The following KIRREL3 variants were observed in gnomAD, a reference collection of about 807,000 sequenced individuals.
KIRREL3 encodes the protein kin of IRRE-like protein 3.
A neutral mutation model predicts 89.7 loss-of-function variants in KIRREL3; 36 were observed. The ratio of observed to expected loss-of-function variants is 0.40; its 90% CI spans 0.31 to 0.53. The LOEUF (loss-of-function observed/expected upper bound fraction) is 0.53. Ranked by LOEUF, KIRREL3 falls within the 20% of genes least tolerant of loss-of-function variation. The probability of loss-of-function intolerance (pLI) is 0.49; values close to 1 mark genes in which losing one functional copy is unlikely to be tolerated. For missense variants in KIRREL3, 864 were observed against 1,056.6 expected, an observed-to-expected ratio of 0.82 and a Z score of 2.53; for synonymous variants, 445 against 441.4, an observed-to-expected ratio of 1.01 and a Z score of -0.10.
rs369111577 is a variant in KIRREL3 at position 126,996,700 on chromosome 11, C to A, written c.55+3755G>T. On this transcript the variant is annotated intron_variant, in intron 1 of 16. Coordinates refer to ENST00000525144, the MANE Select transcript of KIRREL3 (RefSeq NM_032531.4). The surrounding 1 kb of genome is among the most constrained non-coding windows in gnomAD (Gnocchi z 4.7). ...GCCCCTTTTGGTGTTTCCAGCCAGG[C>A]AGGAGAGCAAGTGGGCTGCTTAGAT... Among the ~76,000 whole-genome samples the A allele has an allele frequency of 4.3e-4, 65 of 152,326 alleles. 4 individuals are homozygous for A. In the South Asian group the frequency reaches 0.014, roughly 32 times the overall value.
chr11:126,479,101 G>C (rs1201111717), intron 4 of KIRREL3, among the ~76,000 whole-genome samples: 1 of 152,206 alleles, frequency 6.6e-6, no homozygotes, highest in Non-Finnish European at 1.5e-5. Flanking sequence ...TTGGCTGAGT[G>C]GGGAGAAGGA....
At chr11:126,865,158 T>C (rs927456736) in intron 1 of KIRREL3, among the ~76,000 whole-genome samples, 19 of 152,264 alleles carry the variant, frequency 1.2e-4, no homozygotes, top group African/African-American at 4.6e-4. Flanking sequence ...CATTGCTAAA[T>C]ATATCCCTGT....
chr11:126,811,335 C>A lies in KIRREL3; in HGVS notation c.55+189120G>T, dbSNP rs904807535. 6.6e-6 allele frequency among the ~76,000 whole-genome samples: 1 copy of A among 152,206 alleles called. No individual in the cohort carries two copies. Among genetic ancestry groups the A allele is most frequent in the African/African-American group, 2.4e-5 (1 of 41,466 alleles). On this transcript the variant is annotated intron_variant, in intron 1 of 16. Coordinates refer to ENST00000525144, the MANE Select transcript of KIRREL3 (RefSeq NM_032531.4). The surrounding 1 kb of genome is among the most constrained non-coding windows in gnomAD (Gnocchi z 4.3). ...AGTGACTGTTATGGAGCTACGAGGTCCTTGTCTGAATTCTCCGTGTGGTTG... is the reference window on the plus strand; with the variant it reads ...AGTGACTGTTATGGAGCTACGAGGTACTTGTCTGAATTCTCCGTGTGGTTG...
At chr11:126,925,601 G>C (rs1426293024) in intron 1 of KIRREL3, among the ~76,000 whole-genome samples, 1 of 152,180 alleles carries the variant, frequency 6.6e-6, no homozygotes, top group Non-Finnish European at 1.5e-5. Context: ...ATGTCTTCCT[G>C]TTGTCAATGG....
chr11:126,525,928 G>A lies in KIRREL3; in HGVS notation c.283+610C>T, dbSNP rs1958736564. Among the ~76,000 whole-genome samples, 1 of 152,176 alleles carries A rather than the reference G, an allele frequency of 6.6e-6. No homozygotes were observed. The stretch of plus-strand genomic sequence containing the variant: ...TGTCAGCACTGGCCAGTGAGTTCAC[G>A]TGTCAGCCATCAACAACCATGGGAA... On this transcript the variant is annotated intron_variant, in intron 3 of 16. Coordinates refer to ENST00000525144, the MANE Select transcript of KIRREL3 (RefSeq NM_032531.4). The surrounding 1 kb of genome is among the most constrained non-coding windows in gnomAD (Gnocchi z 5.4).
chr11:126,457,394 TGTA>T (rs1253060936), intron 6 of KIRREL3, among the ~76,000 whole-genome samples: 32 of 151,872 alleles, frequency 2.1e-4, no homozygotes, highest in African/African-American at 7.0e-4. Context: ...TGCGTGTGTG[TGTA>T]TGTGTGTATG....
rs1300822068 is a variant in KIRREL3 at position 126,906,153 on chromosome 11, A to G, written c.55+94302T>C. 1.3e-5 allele frequency among the ~76,000 whole-genome samples: 2 copies of G among 152,132 alleles called. No individual in the cohort carries two copies. The highest frequency in any genetic ancestry group is 2.9e-5 in the Non-Finnish European group (2 of 68,024). ...CCTCTCTGAATTCCCTCACTCAGAG[A>G]TAGGCTCTCTTTTCTCTCTGTACAC... is the stretch of plus-strand genomic sequence containing the variant. On this transcript the variant is annotated intron_variant, in intron 1 of 16. Coordinates refer to ENST00000525144, the MANE Select transcript of KIRREL3 (RefSeq NM_032531.4). This position sits in a 1 kb window ranked among gnomAD's most constrained non-coding sequence, Gnocchi z 4.1.
At position 126,993,010 on chromosome 11, in the gene KIRREL3, T is replaced by A. The variant is rs963825667; in HGVS notation, c.55+7445A>T. Reference sequence around the variant, plus strand: ...AATGTGGACTAACCATTAAGGTCAGTTCCCCCCATACTTATTCTCTTGCTC... The same window carrying A: ...AATGTGGACTAACCATTAAGGTCAGATCCCCCCATACTTATTCTCTTGCTC... On this transcript the variant is annotated intron_variant, in intron 1 of 16. Transcript: ENST00000525144. This position sits in a 1 kb window ranked among gnomAD's most constrained non-coding sequence, Gnocchi z 6.1. Among the ~76,000 whole-genome samples, 4 of 152,188 alleles carry A rather than the reference T, an allele frequency of 2.6e-5. No individual in the cohort carries two copies. The highest frequency in any genetic ancestry group is 9.7e-5 in the African/African-American group (4 of 41,448).
Position 126,999,850 on chromosome 11 carries a change from A to G in KIRREL3, c.55+605T>C, listed in dbSNP as rs1167100484. ...TTATACCCTGAATTCAGTGCTGTGT[A>G]GGATTCAGAATTCAACCTAATTTAG... is the stretch of plus-strand genomic sequence containing the variant. On this transcript the variant is annotated intron_variant, in intron 1 of 16. Transcript: ENST00000525144. The surrounding 1 kb of genome is among the most constrained non-coding windows in gnomAD (Gnocchi z 5.7). Among the ~76,000 whole-genome samples, 1 of 152,212 alleles carries G rather than the reference A, an allele frequency of 6.6e-6. No individual in the cohort carries two copies. The highest frequency in any genetic ancestry group is 2.4e-5 in the African/African-American group (1 of 41,460).
At position 126,645,967 on chromosome 11, in the gene KIRREL3, G is replaced by A. The variant is rs896824021; in HGVS notation, c.56-83055C>T. Among the ~76,000 whole-genome samples, 4 of 152,128 alleles carry A rather than the reference G, an allele frequency of 2.6e-5. No individual in the cohort carries two copies. Among genetic ancestry groups the A allele is most frequent in the Admixed American group, 6.5e-5 (1 of 15,276 alleles). Reference sequence around the variant, plus strand: ...TTTGTTGATACTCAAATACATAGGCGGCACTCGGAATGATGTACGAGTACT... The same window carrying A: ...TTTGTTGATACTCAAATACATAGGCAGCACTCGGAATGATGTACGAGTACT... On this transcript the variant is annotated intron_variant, in intron 1 of 16. Transcript: ENST00000525144. This position sits in a 1 kb window ranked among gnomAD's most constrained non-coding sequence, Gnocchi z 4.9.
intron 1 of KIRREL3, among the ~76,000 whole-genome samples, chr11:126,644,099 A>G (rs978234417): frequency 6.6e-6 from 1 of 152,186 alleles, no homozygotes; most frequent in African/African-American, 2.4e-5. Context: ...TTAATGGCTG[A>G]AAGTGTGGGA....
rs1262165448 is a variant in KIRREL3, at chr11:126,424,690, A to T, written c.2227T>A (p.Phe743Ile). The stretch of plus-strand genomic sequence containing the variant: ...GCAGAAGCCTTGCTGGCCTTGTCGA[A>T]CTGCACATAGCCATCCTGCTTGCCG... ...SSGKQDGYVQFDKASKASASS... is the reference protein window; with the variant it reads ...SSGKQDGYVQIDKASKASASS... Residue 743 changes from phenylalanine (F) to isoleucine (I), a missense_variant, in exon 17 of 17, where the codon TTC (phenylalanine) becomes ATC (isoleucine). Coordinates refer to ENST00000525144, the MANE Select transcript of KIRREL3 (RefSeq NM_032531.4). 1 of 1,614,006 alleles carries T rather than the reference A, an allele frequency of 6.2e-7. No individual in the cohort carries two copies. Among genetic ancestry groups the T allele is most frequent in the Admixed American group, 1.7e-5 (1 of 60,028 alleles).
chr11:126,924,684 C>T lies in KIRREL3; in HGVS notation c.55+75771G>A, dbSNP rs1477654915. On this transcript the variant is annotated intron_variant, in intron 1 of 16. Coordinates refer to ENST00000525144, the MANE Select transcript of KIRREL3 (RefSeq NM_032531.4). This position sits in a 1 kb window ranked among gnomAD's most constrained non-coding sequence, Gnocchi z 4.7. ...GAGCAGCTTTGCTCTATTAAAACCC[C>T]TGCCTTTCCAAGCAAATATGGCTGC... 6.6e-6 allele frequency among the ~76,000 whole-genome samples: 1 copy of T among 152,154 alleles called. No individual in the cohort carries two copies. The highest frequency in any genetic ancestry group is 1.5e-5 in the Non-Finnish European group (1 of 68,028).
At position 126,763,784 on chromosome 11, in the gene KIRREL3, T is replaced by C. The variant is rs565786642; in HGVS notation, c.56-200872A>G. ...AGGGAAAGCTTGTCCACAAAGCACTTGACACACAGTAGGCACTGAGTAAAT... is the reference window on the plus strand; with the variant it reads ...AGGGAAAGCTTGTCCACAAAGCACTCGACACACAGTAGGCACTGAGTAAAT... On this transcript the variant is annotated intron_variant, in intron 1 of 16. Transcript: ENST00000525144. The surrounding 1 kb of genome is among the most constrained non-coding windows in gnomAD (Gnocchi z 4.7). Among the ~76,000 whole-genome samples, 1 of 152,220 alleles carries C rather than the reference T, an allele frequency of 6.6e-6. No individual in the cohort carries two copies. Among genetic ancestry groups the C allele is most frequent in the Non-Finnish European group, 1.5e-5 (1 of 67,992 alleles).
intron 1 of KIRREL3, among the ~76,000 whole-genome samples, chr11:126,663,052 C>T (rs910569160): frequency 1.1e-4 from 17 of 151,588 alleles, no homozygotes; most frequent in South Asian, 2.1e-4. Flanking sequence ...TGATACTGCC[C>T]GATCTTGGCA....
chr11:126,927,224 G>A (rs911313451), intron 1 of KIRREL3, among the ~76,000 whole-genome samples: 16 of 112,804 alleles, frequency 1.4e-4, no homozygotes, highest in Middle Eastern at 0.013. Flanking sequence ...CACCTGGGGA[G>A]TAAGCACACA....
At chr11:126,466,588 C>A (rs1956733580) in intron 5 of KIRREL3, among the ~76,000 whole-genome samples, 1 of 152,226 alleles carries the variant, frequency 6.6e-6, no homozygotes, top group Admixed American at 6.5e-5. Context: ...TCTGATCTCG[C>A]CTCTCTTGTT....
chr11:126,829,648 ATAGT>A (rs1160167613), intron 1 of KIRREL3, among the ~76,000 whole-genome samples: 8 of 152,336 alleles, frequency 5.3e-5, no homozygotes, highest in African/African-American at 2.4e-5. Context: ...TCATCAAGAA[ATAGT>A]TAGTGAGAAC....
chr11:126,699,547 ATAT>A (rs1294623484), intron 1 of KIRREL3, among the ~76,000 whole-genome samples: 2 of 152,204 alleles, frequency 1.3e-5, no homozygotes, highest in South Asian at 2.1e-4. Flanking sequence ...AATATTTCAA[ATAT>A]TATTAATTCA....
Sources: allele counts gnomAD v4.1 joint callset (sites outside exome capture counted in the v4.1 genomes callset), GRCh38; gene constraint gnomAD v4.1.1; non-coding constraint Gnocchi (gnomAD v3.1); transcripts MANE v1.5; gene names NCBI Gene and HGNC (gene_info 2026-07-23, HGNC 2026-07-21).